PLCG2: variants seen among roughly 807,000 people sequenced by gnomAD.
PLCG2 encodes 1-phosphatidylinositol 4,5-bisphosphate phosphodiesterase gamma-2.
Under a neutral mutation model 175.6 loss-of-function variants are expected in PLCG2, and 69 were observed. The observed-to-expected ratio is 0.39, with a 90% CI of 0.32 to 0.48. The LOEUF (loss-of-function observed/expected upper bound fraction) is 0.48. PLCG2 is among the 20% of genes least tolerant of loss of function. The pLI, the probability that PLCG2 is intolerant of heterozygous loss-of-function variation, is 0.91. For synonymous variants in PLCG2, 827 were observed against 624.0 expected (o/e 1.33, Z -4.85); for missense variants, 1,798 against 1,650.9 (o/e 1.09, Z -1.54).
intron 32 of PLCG2, among the ~76,000 whole-genome samples, 161 bp from the exon 33 acceptor site, chr16:81,957,795 A>G (rs919439953): frequency 2.0e-5 from 3 of 152,076 alleles, no homozygotes; most frequent in Non-Finnish European, 2.9e-5. Context: ...CTGAGTCTCA[A>G]CGTCTTACCA....
At chr16:81,923,146 G>T (rs564632677) in intron 21 of PLCG2, among the ~76,000 whole-genome samples, 17 of 152,210 alleles carry the variant, frequency 1.1e-4, no homozygotes, top group Non-Finnish European at 2.2e-4. Flanking sequence ...GAGCAATATT[G>T]TGTCACTACA....
chr16:81,869,197 GTC>G lies in PLCG2; in HGVS notation c.480-14_480-13del. The G allele has an allele frequency of 6.2e-7, 1 of 1,607,356 alleles. No homozygotes were observed. Among genetic ancestry groups the G allele is most frequent in the Non-Finnish European group, 8.5e-7 (1 of 1,173,818 alleles). ...AAAACCCTCAAGGTGACAGAACTGG[GTC>G]TCCCTCTTTTGCAGCATCAGTCTCC... is the stretch of plus-strand genomic sequence containing the variant. On this transcript the variant is annotated splice_polypyrimidine_tract_variant and intron_variant, in intron 5 of 32. Coordinates refer to ENST00000564138, the MANE Select transcript of PLCG2 (RefSeq NM_002661.5).
At chr16:81,782,522 C>G (rs1910785180) in intron 1 of PLCG2, among the ~76,000 whole-genome samples, 1 of 152,168 alleles carries the variant, frequency 6.6e-6, no homozygotes, top group Non-Finnish European at 1.5e-5. Flanking sequence ...CGCTGGAGAC[C>G]TGAGCTGGGT....
intron 1 of PLCG2, among the ~76,000 whole-genome samples, chr16:81,748,105 C>G (rs985701709): frequency 1.7e-4 from 26 of 152,278 alleles, no homozygotes; most frequent in African/African-American, 6.3e-4. Context: ...GAACTCCTGA[C>G]CTCAGATGAT....
At chr16:81,908,326 C>T in intron 16 of PLCG2, 90 bp from the exon 17 acceptor site, 1 of 1,236,436 alleles carries the variant, frequency 8.1e-7, no homozygotes, top group South Asian at 1.4e-5. Flanking sequence ...TATCTGGTAC[C>T]CTGGGTCAGG....
chr16:81,762,057 A>G (rs1163353772), intron 2 of PLCG2, among the ~76,000 whole-genome samples: 1 of 150,980 alleles, frequency 6.6e-6, no homozygotes, highest in Non-Finnish European at 1.5e-5. Context: ...GTTGTCTGGA[A>G]CTCCTGACCT....
intron 30 of PLCG2, among the ~76,000 whole-genome samples, chr16:81,941,348 G>C (rs779694356): frequency 1.3e-5 from 2 of 152,174 alleles, no homozygotes; most frequent in Non-Finnish European, 2.9e-5. Context: ...AGACTCAGAA[G>C]AAAGTGCAGG....
chr16:81,960,978 T>G lies in PLCG2; in HGVS notation c.*2980T>G. ...ATATGGCTGTCTCCACCTCTAGTCT[T>G]ACTGTAGAGCATGTCCCAAGGTGTA... is the stretch of plus-strand genomic sequence containing the variant. On this transcript the variant is annotated 3_prime_UTR_variant, in exon 33 of 33. Coordinates refer to ENST00000564138, the MANE Select transcript of PLCG2 (RefSeq NM_002661.5). The G allele has an allele frequency of 4.4e-6, 1 of 229,824 alleles. No individual in the cohort carries two copies. Among genetic ancestry groups the G allele is most frequent in the East Asian group, 6.2e-5 (1 of 16,032 alleles). The allele number at this position is 229,824 out of a possible 1,614,324, so 14.2% of individuals were successfully genotyped here. A position where few individuals can be genotyped will look rare whatever the true frequency, so the allele number is the denominator to read the frequency against.
chr16:81,919,008 A>T (rs1909954929), intron 19 of PLCG2, among the ~76,000 whole-genome samples: 1 of 152,208 alleles, frequency 6.6e-6, no homozygotes, highest in African/African-American at 2.4e-5. Context: ...AGGACCACAG[A>T]GTGAATATTT....
chr16:81,870,947 C>G lies in PLCG2; in HGVS notation c.648+12C>G, dbSNP rs145838332. 3.7e-4 allele frequency: 522 copies of G among 1,408,570 alleles called. 1 individual carries two copies. The highest frequency in any genetic ancestry group is 3.6e-4 in the Admixed American group (20 of 54,924). The allele number at this position is 1,408,570 out of a possible 1,614,324, so 87.3% of individuals were successfully genotyped here. A position where few individuals can be genotyped will look rare whatever the true frequency, so the allele number is the denominator to read the frequency against. ...AACAGCAAAAATCGGTAAGATGATT[C>G]TTGAGCAAGTGATCAAGTGATGTTT... On this transcript the variant is annotated intron_variant, in intron 7 of 32. Coordinates refer to ENST00000564138, the MANE Select transcript of PLCG2 (RefSeq NM_002661.5).
chr16:81,837,286 C>G (rs983378837), intron 2 of PLCG2, among the ~76,000 whole-genome samples: 1 of 152,226 alleles, frequency 6.6e-6, no homozygotes, highest in Non-Finnish European at 1.5e-5. Context: ...CTCAGACTAC[C>G]TCAACTCCTT....
intron 19 of PLCG2, among the ~76,000 whole-genome samples, chr16:81,918,330 A>G (rs2143679595): frequency 6.6e-6 from 1 of 152,220 alleles, no homozygotes; most frequent in Non-Finnish European, 1.5e-5. Flanking sequence ...TTACAGTTTC[A>G]GGTCTTATGT....
At chr16:81,821,036 T>A (rs372064917) in intron 2 of PLCG2, among the ~76,000 whole-genome samples, 2 of 151,690 alleles carry the variant, frequency 1.3e-5, no homozygotes, top group Admixed American at 6.6e-5. Flanking sequence ...GGATTACAGG[T>A]GCACACCATC....
chr16:81,845,205 T>C (rs1436548400), intron 2 of PLCG2, among the ~76,000 whole-genome samples: 7 of 152,190 alleles, frequency 4.6e-5, no homozygotes, highest in Admixed American at 1.3e-4. Flanking sequence ...CCTCCCAAAG[T>C]GCTGGAATTA....
intron 2 of PLCG2, among the ~76,000 whole-genome samples, chr16:81,818,791 G>A (rs897690475): frequency 6.6e-6 from 1 of 151,898 alleles, no homozygotes; most frequent in Non-Finnish European, 1.5e-5. Flanking sequence ...TAAGGGAGGA[G>A]TGTGGAGGGC....
In PLCG2 at chr16:81,807,200, C is replaced by A. The variant is rs142131420; in HGVS notation, c.193+21018C>A. Reference sequence around the variant, plus strand: ...GTGGTGATTTCACAGGGTCAGCTCCCCATGTCTTGTCCCAGCGGTGTCCTC... The same window carrying A: ...GTGGTGATTTCACAGGGTCAGCTCCACATGTCTTGTCCCAGCGGTGTCCTC... On this transcript the variant is annotated intron_variant, in intron 2 of 32. Coordinates refer to ENST00000564138, the MANE Select transcript of PLCG2 (RefSeq NM_002661.5). Among the ~76,000 whole-genome samples, 448 of 140,422 alleles carry A rather than the reference C, an allele frequency of 3.2e-3. 1 individual carries two copies. The highest frequency in any genetic ancestry group is 7.4e-3 in the Middle Eastern group (2 of 272). 92.1% of individuals were successfully genotyped at this position (140,422 alleles called of 152,430 possible).
At chr16:81,943,743 A>G (rs1433120490) in intron 30 of PLCG2, among the ~76,000 whole-genome samples, 9 of 152,236 alleles carry the variant, frequency 5.9e-5, no homozygotes, top group Non-Finnish European at 1.3e-4. Flanking sequence ...CTATCAAGGC[A>G]AAAAACAAAC....
rs767567379 is a variant in PLCG2 at position 81,946,272 on chromosome 16, A to C, written c.3570+9A>C. The C allele has an allele frequency of 1.2e-6, 2 of 1,600,532 alleles. No homozygotes were observed. The highest frequency in any genetic ancestry group is 4.5e-5 in the East Asian group (2 of 44,820). On this transcript the variant is annotated intron_variant, in intron 31 of 32. Coordinates refer to ENST00000564138, the MANE Select transcript of PLCG2 (RefSeq NM_002661.5). ...AGATGCGGCCAGTCCTGGTGAGTGG[A>C]GAAACACCAGTTAAGGGTTCCCTGA... is the stretch of plus-strand genomic sequence containing the variant.
rs898555405 is a variant in PLCG2 at position 81,959,669 on chromosome 16, C to T, written c.*1671C>T. 1 of 187,014 alleles carries T rather than the reference C, an allele frequency of 5.3e-6. No homozygotes were observed. The highest frequency in any genetic ancestry group is 1.1e-5 in the Non-Finnish European group (1 of 88,608). The allele number at this position is 187,014 out of a possible 1,614,324, so 11.6% of individuals were successfully genotyped here. On this transcript the variant is annotated 3_prime_UTR_variant, in exon 33 of 33. Transcript: ENST00000564138. ...GAAGAAAGAACATTCCTCTTAGTGG[C>T]AGATGTTCAAAGCAACTTTCAAGAA... is the stretch of plus-strand genomic sequence containing the variant.
Sources: allele counts gnomAD v4.1 joint callset (sites outside exome capture counted in the v4.1 genomes callset), GRCh38; gene constraint gnomAD v4.1.1; transcripts MANE v1.5; gene names NCBI Gene and HGNC (gene_info 2026-07-23, HGNC 2026-07-21).